The following PDE6A variants were observed in gnomAD, a reference collection of about 807,000 sequenced individuals.
PDE6A encodes the protein phosphodiesterase 6A.
In PDE6A, 84 loss-of-function variants were observed where a neutral mutation model predicts 106.3. That is an observed-to-expected ratio of 0.79 (90% CI 0.66 to 0.95). The LOEUF (loss-of-function observed/expected upper bound fraction) is 0.95, where lower values mean the gene tolerates loss of function less well. PDE6A is among the 40% of genes least tolerant of loss of function. The pLI is 0.00. For synonymous variants in PDE6A, 394 were observed against 386.6 expected (o/e 1.02, Z -0.23); for missense variants, 1,052 against 1,084.9 (o/e 0.97, Z 0.43).
intron 13 of PDE6A, among the ~76,000 whole-genome samples, chr5:149,892,804 T>G (rs1752593394): frequency 6.6e-6 from 1 of 151,620 alleles, no homozygotes; most frequent in Non-Finnish European, 1.5e-5. Flanking sequence ...TAGATAGAGA[T>G]AAAGAGATAC....
chr5:149,890,978 A>G (rs560134361), intron 13 of PDE6A, among the ~76,000 whole-genome samples: 1 of 152,358 alleles, frequency 6.6e-6, no homozygotes, highest in Admixed American at 6.5e-5. Flanking sequence ...ATGCACCTGA[A>G]TTGGAGAAAT....
At chr5:149,915,074 G>A (rs1022930104) in intron 5 of PDE6A, 67 bp from the exon 6 acceptor site, 33 of 1,013,266 alleles carry the variant, frequency 3.3e-5, no homozygotes, top group South Asian at 8.4e-5. Flanking sequence ...TCACTTTGTC[G>A]CCCAGGCTGG....
intron 2 of PDE6A, 113 bp downstream of exon 2, chr5:149,934,453 C>T: frequency 9.8e-7 from 1 of 1,017,776 alleles, no homozygotes; most frequent in Non-Finnish European, 1.6e-6. Context: ...AGGTGAATTC[C>T]CTGTCTTACA....
intron 1 of PDE6A, among the ~76,000 whole-genome samples, chr5:149,937,845 C>A (rs1754228175): frequency 6.6e-6 from 1 of 152,180 alleles, no homozygotes; most frequent in Non-Finnish European, 1.5e-5. Flanking sequence ...TATATTATCT[C>A]ATTAACTCTC....
intron 1 of PDE6A, among the ~76,000 whole-genome samples, chr5:149,938,962 TG>T (rs1360961022): frequency 6.6e-6 from 1 of 152,182 alleles, no homozygotes; most frequent in Non-Finnish European, 1.5e-5. Flanking sequence ...TATCACTTTT[TG>T]GTGGTCCAGA....
chr5:149,896,643 C>A (rs1222359514), intron 11 of PDE6A, 68 bp downstream of exon 11: 2 of 1,613,638 alleles, frequency 1.2e-6, no homozygotes, highest in African/African-American at 1.3e-5. Context: ...AAGGAGAAAC[C>A]CCTGCATGCT....
intron 16 of PDE6A, 87 bp from the exon 17 acceptor site, chr5:149,883,623 C>A: frequency 1.1e-6 from 1 of 908,990 alleles, no homozygotes; most frequent in Non-Finnish European, 1.8e-6. Flanking sequence ...TCAGATGGAG[C>A]CTTATTAAAT....
At chr5:149,883,797 C>T (rs142964854) in intron 16 of PDE6A, among the ~76,000 whole-genome samples, 225 of 152,310 alleles carry the variant, frequency 1.5e-3, no homozygotes, top group African/African-American at 5.1e-3. Flanking sequence ...ATCTAACTCA[C>T]AGGCTTGTAG....
chr5:149,941,231 G>A (rs190361022), intron 1 of PDE6A, among the ~76,000 whole-genome samples: 6 of 152,334 alleles, frequency 3.9e-5, no homozygotes, highest in Non-Finnish European at 7.3e-5. Flanking sequence ...AAGCCTGGTG[G>A]ACAAGGCAGA....
intron 17 of PDE6A, among the ~76,000 whole-genome samples, chr5:149,883,204 T>C (rs1760997122): frequency 6.6e-6 from 1 of 152,200 alleles, no homozygotes; most frequent in Admixed American, 6.5e-5. Context: ...TTTATTCAGA[T>C]AAATAAAACA....
chr5:149,872,645 C>A (rs1259018233), intron 17 of PDE6A, among the ~76,000 whole-genome samples: 1 of 152,124 alleles, frequency 6.6e-6, no homozygotes, highest in African/African-American at 2.4e-5. Context: ...TTACTCAGAC[C>A]CTCCCTGGAA....
At chr5:149,899,228 A>C in intron 9 of PDE6A, 147 bp downstream of exon 9, 1 of 772,134 alleles carries the variant, frequency 1.3e-6, no homozygotes, top group Middle Eastern at 2.6e-4. Context: ...GCAGTACAGC[A>C]GTGAGAGTGA....
Position 149,866,191 on chromosome 5 carries a change from A to C in PDE6A, c.2337T>G (p.Phe779Leu). 6.2e-7 allele frequency: 1 copy of C among 1,613,978 alleles called. No individual in the cohort carries two copies. The highest frequency in any genetic ancestry group is 8.5e-7 in the Non-Finnish European group (1 of 1,179,862). Residue 779 changes from phenylalanine (F) to leucine (L), a missense_variant, in exon 20 of 22, where the codon TTT becomes TTG. Phe to Leu is a conservative substitution (Grantham distance 22). Transcript: ENST00000255266. ...LPKLQVGFID[F>L]VCTFVYKEFS... is the part of the protein sequence containing the mutation. ...CTACCTTGTAGACGAAGGTGCAAAC[A>C]AAGTCAATGAAGCCGACTTGAAGCT...
At chr5:149,896,574 T>A in intron 11 of PDE6A, 72 bp from the exon 12 acceptor site, 1 of 1,613,882 alleles carries the variant, frequency 6.2e-7, no homozygotes, top group Non-Finnish European at 8.5e-7. Context: ...TGTCCAGCCC[T>A]GTCCCCATCC....
chr5:149,922,268 A>G (rs76673541), intron 4 of PDE6A, among the ~76,000 whole-genome samples: 60 of 151,944 alleles, frequency 3.9e-4, no homozygotes, highest in African/African-American at 1.4e-3. Context: ...AATTATATAT[A>G]GAAACTGTCA....
chr5:149,873,420 C>G (rs1423844481), intron 17 of PDE6A, among the ~76,000 whole-genome samples: 1 of 151,894 alleles, frequency 6.6e-6, no homozygotes, highest in Non-Finnish European at 1.5e-5. Flanking sequence ...CCTCCTCTAC[C>G]TCTGGAGTTC....
intron 6 of PDE6A, among the ~76,000 whole-genome samples, chr5:149,909,622 C>A (rs1328721028): frequency 2.0e-5 from 3 of 152,144 alleles, no homozygotes; most frequent in Non-Finnish European, 1.5e-5. Flanking sequence ...AGTTGAGACC[C>A]TGACTGATAT....
At chr5:149,940,831 AGCATTG>A (rs1349381088) in intron 1 of PDE6A, among the ~76,000 whole-genome samples, 2 of 152,060 alleles carry the variant, frequency 1.3e-5, no homozygotes, top group African/African-American at 4.8e-5. Flanking sequence ...ATGCATGTGG[AGCATTG>A]GCAAGCCTCT....
chr5:149,931,121 G>A lies in PDE6A; in HGVS notation c.765C>T (p.Ile255=), dbSNP rs141300510. ...ACAGGGCTTTGTGGAACTGTCGTTC[G>A]ATGTCCGTAAGTTCTTCAAAGACTT... ...GSKVFEELTD[I]ERQFHKALYT... The change falls in exon 4 of 22, where the codon ATC becomes ATT. Residue 255 remains isoleucine (I), a synonymous_variant. Transcript: ENST00000255266. The A allele has an allele frequency of 1.8e-4, 284 of 1,614,060 alleles. No individual in the cohort carries two copies. In the African/African-American group the frequency reaches 3.3e-3, roughly 19 times the overall value.
Sources: allele counts gnomAD v4.1 joint callset (sites outside exome capture counted in the v4.1 genomes callset), GRCh38; gene constraint gnomAD v4.1.1; transcripts MANE v1.5; gene names NCBI Gene and HGNC (gene_info 2026-07-23, HGNC 2026-07-21).